GARIN1A: variants seen among roughly 807,000 people sequenced by gnomAD.
GARIN1A encodes the protein golgi associated RAB2 interactor 1A.
the GARIN1A span, among the ~76,000 whole-genome samples, chr7:128,707,218 GTA>G: frequency 0.044 from 2,847 of 64,160 alleles, 43 homozygotes; most frequent in South Asian, 0.16. Context: ...TTGTGTGTAT[GTA>G]TGTGTGTGTG....
At chr7:128,680,314 T>G in the GARIN1A span, among the ~76,000 whole-genome samples, 1 of 152,234 alleles carries the variant, frequency 6.6e-6, no homozygotes, top group African/African-American at 2.4e-5. Flanking sequence ...AAACAAGGTC[T>G]TTGGCCCTTT....
the GARIN1A span, among the ~76,000 whole-genome samples, chr7:128,677,303 C>T: frequency 1.3e-5 from 2 of 150,882 alleles, no homozygotes; most frequent in East Asian, 4.0e-4. Context: ...GTCAGGAGAT[C>T]GAGACCATCC....
the GARIN1A span, among the ~76,000 whole-genome samples, chr7:128,694,507 C>G: frequency 1.3e-5 from 2 of 151,038 alleles, no homozygotes; most frequent in Non-Finnish European, 2.9e-5. Context: ...GGACTCCAGC[C>G]TGGGCAAGAG....
the GARIN1A span, among the ~76,000 whole-genome samples, chr7:128,705,632 C>A: frequency 6.8e-6 from 1 of 147,494 alleles, no homozygotes; most frequent in South Asian, 2.1e-4. Context: ...ACACTGATGG[C>A]GCCAAATGGT....
At chr7:128,673,689 T>C in the GARIN1A span, among the ~76,000 whole-genome samples, 11 of 152,264 alleles carry the variant, frequency 7.2e-5, no homozygotes, top group African/African-American at 2.2e-4. Flanking sequence ...AGTCCCCGGA[T>C]TTTGGAGAGC....
At chr7:128,679,629 G>A in the GARIN1A span, among the ~76,000 whole-genome samples, 1 of 152,068 alleles carries the variant, frequency 6.6e-6, no homozygotes, top group African/African-American at 2.4e-5. Flanking sequence ...GTCCTGCTTG[G>A]TGTAGAAGCA....
chr7:128,677,625 G>T, the GARIN1A span: 1 of 1,613,772 alleles, frequency 6.2e-7, no homozygotes, highest in South Asian at 1.1e-5. Context: ...CATCCTGAGG[G>T]TTAGGACAGT....
the GARIN1A span, among the ~76,000 whole-genome samples, chr7:128,703,505 A>G: frequency 9.2e-5 from 14 of 152,244 alleles, no homozygotes; most frequent in African/African-American, 3.4e-4. Context: ...ATCAAAATGT[A>G]CAGGGCAGGG....
At chr7:128,699,168 A>G in the GARIN1A span, among the ~76,000 whole-genome samples, 1 of 151,948 alleles carries the variant, frequency 6.6e-6, no homozygotes, top group Non-Finnish European at 1.5e-5. Flanking sequence ...TTTAATAAAA[A>G]ATTTTAAATA....
At chr7:128,696,335 T>C in the GARIN1A span, among the ~76,000 whole-genome samples, 5 of 152,162 alleles carry the variant, frequency 3.3e-5, no homozygotes, top group Admixed American at 2.6e-4. Context: ...GTGGAACTTC[T>C]ATACACCTTT....
At chr7:128,696,479 GT>G in the GARIN1A span, among the ~76,000 whole-genome samples, 1 of 152,102 alleles carries the variant, frequency 6.6e-6, no homozygotes, top group African/African-American at 2.4e-5. Flanking sequence ...TGTCAACACA[GT>G]TTTTTGTCTG....
chr7:128,699,259 T>TGGGGGGGGGGGG, the GARIN1A span, among the ~76,000 whole-genome samples: 1 of 37,174 alleles, frequency 2.7e-5, no homozygotes, highest in East Asian at 4.3e-4. Flanking sequence ...CCATACCTGC[T>TGGGGGGGGGGGG]GCCCCCCCCC....
the GARIN1A span, chr7:128,697,367 C>G: frequency 6.6e-6 from 1 of 152,270 alleles, no homozygotes; most frequent in Non-Finnish European, 1.5e-5. Context: ...TTTCTTCACC[C>G]GGCCATGTAA....
the GARIN1A span, among the ~76,000 whole-genome samples, chr7:128,689,142 G>C: frequency 6.6e-6 from 1 of 151,682 alleles, no homozygotes; most frequent in Non-Finnish European, 1.5e-5. Flanking sequence ...GCGTGATCTC[G>C]GCTCGCTACA....
the GARIN1A span, among the ~76,000 whole-genome samples, chr7:128,689,255 G>C: frequency 0.025 from 3,749 of 152,144 alleles, 109 homozygotes; most frequent in Admixed American, 0.094. Context: ...TCTCTGCCTA[G>C]CCGCCCATCG....
chr7:128,680,634 A>G, the GARIN1A span, among the ~76,000 whole-genome samples: 2 of 146,722 alleles, frequency 1.4e-5, no homozygotes, highest in African/African-American at 5.1e-5. Flanking sequence ...GCGTGATGTC[A>G]GCTCACTGCA....
At chr7:128,677,725 A>G in the GARIN1A span, 2 of 1,613,788 alleles carry the variant, frequency 1.2e-6, no homozygotes, top group Non-Finnish European at 1.7e-6. Flanking sequence ...ATTCTGCAGA[A>G]AGGCCTGTCC....
chr7:128,677,820 G>A, the GARIN1A span: 2 of 1,612,062 alleles, frequency 1.2e-6, no homozygotes, highest in Admixed American at 1.7e-5. Context: ...AACAGTAAGT[G>A]GGCCTCCTTC....
the GARIN1A span, among the ~76,000 whole-genome samples, chr7:128,699,266 C>G: frequency 1.2e-4 from 17 of 141,162 alleles, 1 homozygote; most frequent in African/African-American, 2.3e-4. Flanking sequence ...TGCTGCCCCC[C>G]CCCCCCCACC....
Sources: allele counts gnomAD v4.1 joint callset (sites outside exome capture counted in the v4.1 genomes callset), GRCh38; gene constraint gnomAD v4.1.1; transcripts MANE v1.5; gene names NCBI Gene and HGNC (gene_info 2026-07-23, HGNC 2026-07-21).